CNTNAP5: variants seen among roughly 807,000 people sequenced by gnomAD.
The protein encoded by CNTNAP5 is contactin associated protein family member 5.
A neutral mutation model predicts 150.2 loss-of-function variants in CNTNAP5; 72 were observed. The ratio of observed to expected loss-of-function variants is 0.48; its 90% confidence interval spans 0.40 to 0.58. CNTNAP5 has a LOEUF of 0.58. CNTNAP5 is among the 20% of genes least tolerant of loss of function. The probability of loss-of-function intolerance (pLI) is 0.00; values close to 1 mark genes in which losing one functional copy is unlikely to be tolerated. For missense variants in CNTNAP5, 1,636 were observed against 1,626.2 expected (o/e 1.01, Z -0.10); for synonymous variants, 672 against 619.8 (o/e 1.08, Z -1.25).
intron 1 of CNTNAP5, among the ~76,000 whole-genome samples, chr2:124,188,682 G>A (rs1685388753): frequency 1.6e-5 from 2 of 127,888 alleles, no homozygotes; most frequent in Admixed American, 1.9e-4. Flanking sequence ...TCACGCCACT[G>A]CACTCCAGCC....
intron 4 of CNTNAP5, among the ~76,000 whole-genome samples, chr2:124,428,845 T>C (rs540592401): frequency 4.6e-4 from 70 of 152,172 alleles, no homozygotes; most frequent in Non-Finnish European, 7.9e-4. Flanking sequence ...GAAGTTGTGA[T>C]AGAGAATATG....
intron 22 of CNTNAP5, among the ~76,000 whole-genome samples, chr2:124,903,591 T>G (rs1295236018): frequency 6.6e-6 from 1 of 152,230 alleles, no homozygotes; most frequent in Non-Finnish European, 1.5e-5. Context: ...GCGCATTGTG[T>G]AATTACTATC....
At chr2:124,851,861 C>T (rs1462745293) in intron 19 of CNTNAP5, among the ~76,000 whole-genome samples, 1 of 152,154 alleles carries the variant, frequency 6.6e-6, no homozygotes, top group Non-Finnish European at 1.5e-5. Flanking sequence ...GTGTTTTCTT[C>T]CACCAGATAA....
chr2:124,278,464 G>A (rs903154955), intron 3 of CNTNAP5, among the ~76,000 whole-genome samples: 3 of 152,040 alleles, frequency 2.0e-5, no homozygotes, highest in Non-Finnish European at 4.4e-5. Context: ...TATCCCAGAT[G>A]GCCCATCATG....
chr2:124,704,102 C>G (rs1679582330), intron 13 of CNTNAP5, among the ~76,000 whole-genome samples: 1 of 152,168 alleles, frequency 6.6e-6, no homozygotes, highest in African/African-American at 2.4e-5. Context: ...GGATTTCCCA[C>G]ATTAAATTGC....
chr2:124,672,414 T>C (rs1678843635), intron 13 of CNTNAP5, among the ~76,000 whole-genome samples: 1 of 152,156 alleles, frequency 6.6e-6, no homozygotes, highest in African/African-American at 2.4e-5. Flanking sequence ...TTTTGTAAAA[T>C]TTTTTACTTT....
At chr2:124,432,746 A>G (rs975193881) in intron 4 of CNTNAP5, among the ~76,000 whole-genome samples, 21 of 152,222 alleles carry the variant, frequency 1.4e-4, no homozygotes, top group Admixed American at 6.5e-5. Flanking sequence ...TGACAGAAAA[A>G]GAAGCTTGGG....
intron 22 of CNTNAP5, among the ~76,000 whole-genome samples, chr2:124,907,912 C>G (rs1211564454): frequency 6.6e-6 from 1 of 150,482 alleles, no homozygotes; most frequent in Non-Finnish European, 1.5e-5. Context: ...AATTAACAAG[C>G]TGGGTTAATA....
At chr2:124,378,162 CACAA>C (rs1558874926) in intron 3 of CNTNAP5, among the ~76,000 whole-genome samples, 21 of 152,004 alleles carry the variant, frequency 1.4e-4, no homozygotes, top group Admixed American at 1.3e-4. Context: ...ATATATCCAT[CACAA>C]AACCTCTTCA....
intron 1 of CNTNAP5, among the ~76,000 whole-genome samples, chr2:124,092,527 C>T (rs1210807977): frequency 6.6e-6 from 1 of 152,134 alleles, no homozygotes; most frequent in Non-Finnish European, 1.5e-5. Flanking sequence ...GATGAGGTGA[C>T]AAAAAGACAG....
intron 13 of CNTNAP5, among the ~76,000 whole-genome samples, chr2:124,695,787 A>C (rs1406565963): frequency 6.6e-6 from 1 of 152,160 alleles, no homozygotes; most frequent in Non-Finnish European, 1.5e-5. Context: ...GTCCTCATAC[A>C]GCAGGTGGAG....
At chr2:124,836,379 A>G (rs1430896125) in intron 19 of CNTNAP5, among the ~76,000 whole-genome samples, 1 of 152,154 alleles carries the variant, frequency 6.6e-6, no homozygotes, top group Non-Finnish European at 1.5e-5. Flanking sequence ...TCTAAAATGA[A>G]ATTGTTCCTG....
chr2:124,096,008 C>T (rs1017461), intron 1 of CNTNAP5, among the ~76,000 whole-genome samples: 4,560 of 152,198 alleles, frequency 0.03, 92 homozygotes, highest in Middle Eastern at 0.079. Flanking sequence ...AACTAAGTCC[C>T]CCTGTCTTCA....
rs573965082 is a variant in CNTNAP5, at chr2:124,049,482, C to T, written c.82+23750C>T. Reference sequence around the variant, plus strand: ...AACTTAGACTTTTCAGTATACAGAACTATATTTTTTAAACCATAATAAAAT... The same window carrying T: ...AACTTAGACTTTTCAGTATACAGAATTATATTTTTTAAACCATAATAAAAT... On this transcript the variant is annotated intron_variant, in intron 1 of 23. Transcript: ENST00000682447. Among the ~76,000 whole-genome samples, 14 of 152,302 alleles carry T rather than the reference C, an allele frequency of 9.2e-5. No individual in the cohort carries two copies. The South Asian group carries it at 1.7e-3, about 18-fold the overall frequency.
chr2:124,128,967 G>T (rs915891625), intron 1 of CNTNAP5, among the ~76,000 whole-genome samples: 1 of 151,970 alleles, frequency 6.6e-6, no homozygotes, highest in African/African-American at 2.4e-5. Context: ...TGTAAATGAC[G>T]AGTTGATGGG....
Position 124,707,945 on chromosome 2 carries a change from T to TTA in CNTNAP5, c.2078-39284_2078-39283insTA, listed in dbSNP as rs1553433806. On this transcript the variant is annotated intron_variant, in intron 13 of 23. Coordinates refer to ENST00000682447, the MANE Select transcript of CNTNAP5 (RefSeq NM_001367498.1). ...AGCAATGCTTCCAGGATAAAACTTT[T>TTA]AAAAAAAATCACTATCAATGATGTA... 2.1e-4 allele frequency among the ~76,000 whole-genome samples: 32 copies of TTA among 152,152 alleles called. No homozygotes were observed. The East Asian group carries it at 3.3e-3, about 16-fold the overall frequency.
At chr2:124,205,427 TTTTTTTTTG>T (rs1475156499) in intron 1 of CNTNAP5, among the ~76,000 whole-genome samples, 4 of 151,618 alleles carry the variant, frequency 2.6e-5, no homozygotes, top group Non-Finnish European at 5.9e-5. Flanking sequence ...TTTTCTTTTT[TTTTTTTTTG>T]GAAATGGAGT....
intron 21 of CNTNAP5, among the ~76,000 whole-genome samples, chr2:124,896,949 G>A (rs1966870): frequency 0.46 from 70,279 of 151,164 alleles, 17,230 homozygotes; most frequent in Non-Finnish European, 0.49. Context: ...TAAACGTGAC[G>A]CACTACTTCT....
chr2:124,401,408 T>C (rs1248330884), intron 3 of CNTNAP5, among the ~76,000 whole-genome samples: 1 of 152,206 alleles, frequency 6.6e-6, no homozygotes, highest in Non-Finnish European at 1.5e-5. Flanking sequence ...AGTTGTCATA[T>C]TTTATCTTCT....
Sources: allele counts gnomAD v4.1 joint callset (sites outside exome capture counted in the v4.1 genomes callset), GRCh38; gene constraint gnomAD v4.1.1; transcripts MANE v1.5; gene names NCBI Gene and HGNC (gene_info 2026-07-23, HGNC 2026-07-21).